HMBOX1: variants seen among roughly 807,000 people sequenced by gnomAD.
HMBOX1 encodes the protein homeobox containing 1.
In HMBOX1, 14 loss-of-function variants were observed where a neutral mutation model predicts 54.5. That is an observed-to-expected ratio of 0.26 (90% CI 0.17 to 0.40). The LOEUF is 0.40. Ranked by LOEUF, HMBOX1 falls within the 10% of genes least tolerant of loss-of-function variation. The pLI is 1.00. For missense variants in HMBOX1, 332 were observed against 514.4 expected, an observed-to-expected ratio of 0.65 and a Z score of 3.43; for synonymous variants, 160 against 181.0, an observed-to-expected ratio of 0.88 and a Z score of 0.93.
intron 6 of HMBOX1, among the ~76,000 whole-genome samples, chr8:29,031,971 T>C (rs951514811): frequency 6.6e-6 from 1 of 152,054 alleles, no homozygotes; most frequent in East Asian, 1.9e-4. Context: ...TGGCCAGTAG[T>C]GGGAGCACCA....
chr8:28,960,020 T>C (rs1455929079), intron 1 of HMBOX1, among the ~76,000 whole-genome samples: 2 of 152,024 alleles, frequency 1.3e-5, no homozygotes, highest in Non-Finnish European at 2.9e-5. Context: ...TTTTCTCTCT[T>C]TTCTCTTTAT....
chr8:28,923,027 A>C (rs763028729), intron 1 of HMBOX1, among the ~76,000 whole-genome samples: 30 of 152,196 alleles, frequency 2.0e-4, no homozygotes, highest in Non-Finnish European at 4.0e-4. Flanking sequence ...ACATAACCTA[A>C]AATTGACTAT....
intron 1 of HMBOX1, among the ~76,000 whole-genome samples, chr8:28,921,105 C>G (rs755369427): frequency 6.6e-6 from 1 of 152,160 alleles, no homozygotes; most frequent in Non-Finnish European, 1.5e-5. Context: ...GAGGCTGAGG[C>G]GGGTGGATCA....
intron 6 of HMBOX1, among the ~76,000 whole-genome samples, chr8:29,021,698 A>C (rs1188663838): frequency 6.6e-6 from 1 of 151,622 alleles, no homozygotes; most frequent in Non-Finnish European, 1.5e-5. Flanking sequence ...TACGAAAAAT[A>C]GAAAAAAAAA....
chr8:28,937,488 T>A (rs777107995), intron 1 of HMBOX1, among the ~76,000 whole-genome samples: 1 of 152,206 alleles, frequency 6.6e-6, no homozygotes, highest in Non-Finnish European at 1.5e-5. Flanking sequence ...AAAAAAGTCC[T>A]TTTTGTTTAT....
chr8:28,959,787 CCT>C (rs2132229018), intron 1 of HMBOX1, among the ~76,000 whole-genome samples: 1 of 152,114 alleles, frequency 6.6e-6, no homozygotes, highest in Admixed American at 6.5e-5. Context: ...GATTTTGATG[CCT>C]CTTTCTATAG....
intron 1 of HMBOX1, among the ~76,000 whole-genome samples, chr8:28,926,061 G>A (rs944788139): frequency 2.0e-5 from 3 of 152,020 alleles, no homozygotes; most frequent in African/African-American, 7.2e-5. Flanking sequence ...CACTTTGGGA[G>A]TGCAAGGCAG....
intron 6 of HMBOX1, among the ~76,000 whole-genome samples, chr8:29,023,494 C>T (rs942401743): frequency 5.3e-5 from 8 of 152,196 alleles, no homozygotes; most frequent in Non-Finnish European, 1.0e-4. Context: ...CCTCAACCTC[C>T]TGGGCTCAGG....
intron 1 of HMBOX1, among the ~76,000 whole-genome samples, chr8:28,904,639 G>T (rs763375999): frequency 5.3e-5 from 8 of 150,662 alleles, no homozygotes; most frequent in East Asian, 3.9e-4. Context: ...ACCTTTTTTT[G>T]TGTGTGTGTG....
chr8:29,042,447 A>G (rs930393133), intron 6 of HMBOX1, among the ~76,000 whole-genome samples: 2 of 152,182 alleles, frequency 1.3e-5, no homozygotes, highest in Non-Finnish European at 2.9e-5. Context: ...AAAAAGTGAC[A>G]GTGGTCAGTT....
intron 6 of HMBOX1, among the ~76,000 whole-genome samples, chr8:29,032,108 T>G (rs1294116421): frequency 6.6e-6 from 1 of 152,240 alleles, no homozygotes; most frequent in African/African-American, 2.4e-5. Flanking sequence ...ATTTGCAACA[T>G]TTGTCTTTCG....
At chr8:28,964,882 T>A (rs540135963) in intron 2 of HMBOX1, among the ~76,000 whole-genome samples, 3 of 152,298 alleles carry the variant, frequency 2.0e-5, no homozygotes, top group East Asian at 1.9e-4. Flanking sequence ...TTTAAAAAAA[T>A]TTATTTGCTA....
intron 1 of HMBOX1, among the ~76,000 whole-genome samples, chr8:28,913,177 A>G (rs939240501): frequency 2.6e-5 from 4 of 152,116 alleles, no homozygotes; most frequent in Non-Finnish European, 5.9e-5. Flanking sequence ...CTCTTTCCCC[A>G]CGGGATAGCA....
chr8:28,969,463 A>ATT (rs968401117), intron 2 of HMBOX1, among the ~76,000 whole-genome samples: 5 of 146,770 alleles, frequency 3.4e-5, no homozygotes, highest in South Asian at 2.1e-4. Flanking sequence ...AATGGTGCTT[A>ATT]TTTTTTTTTT....
intron 1 of HMBOX1, among the ~76,000 whole-genome samples, chr8:28,951,504 C>T (rs559918212): frequency 1.3e-5 from 2 of 152,212 alleles, no homozygotes; most frequent in East Asian, 3.9e-4. Context: ...GTAGCAATGC[C>T]TGCTTAGAGG....
At position 29,027,728 on chromosome 8, in the gene HMBOX1, G is replaced by C. The variant is rs565442175; in HGVS notation, c.851+8815G>C. 7.9e-4 allele frequency among the ~76,000 whole-genome samples: 121 copies of C among 152,248 alleles called. 1 individual carries two copies. Among genetic ancestry groups the C allele is most frequent in the Non-Finnish European group, 1.6e-3 (107 of 67,990 alleles). ...ATAGGTAGAAGCAATAGAATATAGT[G>C]GTTAATAGTACCAGCTTGGGGGCCA... On this transcript the variant is annotated intron_variant, in intron 6 of 9. Coordinates refer to ENST00000287701, the MANE Select transcript of HMBOX1 (RefSeq NM_001135726.3).
Position 28,913,792 on chromosome 8 carries a change from G to A in HMBOX1, c.-58+23114G>A, listed in dbSNP as rs913041440. Among the ~76,000 whole-genome samples the A allele has an allele frequency of 1.0e-4, 15 of 150,260 alleles. No homozygotes were observed. The South Asian group carries it at 1.7e-3, about 17-fold the overall frequency. On this transcript the variant is annotated intron_variant, in intron 1 of 9. Transcript: ENST00000287701. ...TTTTGAGACAAAGTCTCACTCTGTC[G>A]CCCAGGCTGGAGTGCAGTGGCGTGA...
At chr8:28,921,346 A>G (rs968406465) in intron 1 of HMBOX1, among the ~76,000 whole-genome samples, 1 of 152,218 alleles carries the variant, frequency 6.6e-6, no homozygotes, top group African/African-American at 2.4e-5. Context: ...AATCATACCT[A>G]AACCAAAAAT....
At chr8:28,982,541 C>T (rs113039585) in intron 4 of HMBOX1, among the ~76,000 whole-genome samples, 1 of 152,018 alleles carries the variant, frequency 6.6e-6, no homozygotes, top group Admixed American at 6.6e-5. Flanking sequence ...CGTCCACCTC[C>T]TAGGCTCAAG....
Sources: gnomAD v4.1 joint callset for allele counts (sites outside exome capture counted in the v4.1 genomes callset) on GRCh38, gnomAD v4.1.1 for gene constraint, MANE v1.5 for transcripts, NCBI Gene and HGNC (gene_info 2026-07-23, HGNC 2026-07-21) for gene names.